The following LINGO2 variants were observed in gnomAD, a reference collection of about 807,000 sequenced individuals.
LINGO2 encodes leucine-rich repeat and immunoglobulin-like domain-containing nogo receptor-interacting protein 2.
Under a neutral mutation model 30.6 loss-of-function variants are expected in LINGO2, and 14 were observed. That is an observed-to-expected ratio of 0.46 (90% confidence interval 0.30 to 0.72). The LOEUF (loss-of-function observed/expected upper bound fraction) is 0.72. LINGO2 is among the 30% of genes least tolerant of loss of function. The pLI is 0.07. For missense variants in LINGO2, 729 were observed against 751.7 expected (o/e 0.97, Z 0.35); for synonymous variants, 317 against 288.5 (o/e 1.10, Z -1.00).
chr9:29,141,024 T>G, the LINGO2 span, among the ~76,000 whole-genome samples: 1 of 152,048 alleles, frequency 6.6e-6, no homozygotes, highest in Non-Finnish European at 1.5e-5. Context: ...GGTTTTGCCT[T>G]ACAAGAAATG....
intron 4 of LINGO2, among the ~76,000 whole-genome samples, chr9:28,032,550 T>C (rs1823732704): frequency 6.6e-6 from 1 of 152,210 alleles, no homozygotes; most frequent in South Asian, 2.1e-4. Context: ...CTTTGGGCAT[T>C]CTCATTCAGT....
At chr9:28,185,446 A>T (rs959341681) in intron 4 of LINGO2, among the ~76,000 whole-genome samples, 1 of 152,144 alleles carries the variant, frequency 6.6e-6, no homozygotes, top group Non-Finnish European at 1.5e-5. Flanking sequence ...GGTAAAAAAA[A>T]AACTTTAGAA....
intron 4 of LINGO2, among the ~76,000 whole-genome samples, chr9:28,070,435 A>T (rs960727365): frequency 1.3e-5 from 2 of 152,264 alleles, no homozygotes; most frequent in Admixed American, 1.3e-4. Flanking sequence ...ACACATAAAC[A>T]TACATGTGCA....
the LINGO2 span, among the ~76,000 whole-genome samples, chr9:28,776,196 G>C: frequency 6.6e-6 from 1 of 152,338 alleles, no homozygotes; most frequent in East Asian, 1.9e-4. Flanking sequence ...TGATCCTTAG[G>C]ATAGGAGAAT....
At chr9:28,800,364 G>A in the LINGO2 span, among the ~76,000 whole-genome samples, 3,841 of 151,904 alleles carry the variant, frequency 0.025, 132 homozygotes, top group African/African-American at 0.08. Flanking sequence ...TTATATTCCC[G>A]GTGTATTTTT....
At chr9:28,029,445 C>T (rs906956269) in intron 4 of LINGO2, among the ~76,000 whole-genome samples, 1 of 152,260 alleles carries the variant, frequency 6.6e-6, no homozygotes, top group East Asian at 1.9e-4. Context: ...AACGAAGATG[C>T]AAGGCTTGTT....
intron 2 of LINGO2, among the ~76,000 whole-genome samples, chr9:28,396,519 G>A (rs915735401): frequency 6.6e-6 from 1 of 151,616 alleles, no homozygotes; most frequent in Non-Finnish European, 1.5e-5. Flanking sequence ...CCAGGCTAAC[G>A]TGGTGAAACC....
At chr9:28,504,871 C>T (rs1237756336) in intron 1 of LINGO2, among the ~76,000 whole-genome samples, 6 of 151,614 alleles carry the variant, frequency 4.0e-5, no homozygotes, top group Admixed American at 2.0e-4. Flanking sequence ...GTTAGAAAGG[C>T]TTCATAGAGG....
At chr9:27,951,380 T>C (rs1311759625) in intron 5 of LINGO2, among the ~76,000 whole-genome samples, 2 of 152,206 alleles carry the variant, frequency 1.3e-5, no homozygotes, top group Non-Finnish European at 2.9e-5. Context: ...ATCCCTGTAT[T>C]GTTTTTGTTT....
chr9:29,196,835 C>T, the LINGO2 span, among the ~76,000 whole-genome samples: 2 of 151,948 alleles, frequency 1.3e-5, no homozygotes, highest in Non-Finnish European at 1.5e-5. Flanking sequence ...AAAAAGATGT[C>T]AGAAATAACG....
At position 28,223,277 on chromosome 9, in the gene LINGO2, C is replaced by T. The variant is rs140293314; in HGVS notation, c.-87+71931G>A. On this transcript the variant is annotated intron_variant, in intron 4 of 5. Coordinates refer to ENST00000379992, the Ensembl canonical transcript of LINGO2. ...CAGCAGGTTCAGTTGCCTGGTAAGG[C>T]CTGCTCTCTGCTTCTAAGATTCTGC... Among the ~76,000 whole-genome samples the T allele has an allele frequency of 9.4e-4, 143 of 152,294 alleles. 1 individual carries two copies. Among genetic ancestry groups the T allele is most frequent in the African/African-American group, 3.3e-3 (138 of 41,558 alleles).
chr9:28,307,380 C>T (rs998497313), intron 3 of LINGO2, among the ~76,000 whole-genome samples: 4 of 146,832 alleles, frequency 2.7e-5, no homozygotes, highest in Non-Finnish European at 6.2e-5. Flanking sequence ...AATTCAACAA[C>T]CCTTCATGCT....
chr9:29,165,210 A>G, the LINGO2 span, among the ~76,000 whole-genome samples: 3 of 152,190 alleles, frequency 2.0e-5, no homozygotes, highest in African/African-American at 7.2e-5. Flanking sequence ...CATCAAATCT[A>G]TATCTATATC....
the LINGO2 span, among the ~76,000 whole-genome samples, chr9:29,154,184 C>T: frequency 6.6e-6 from 1 of 152,106 alleles, no homozygotes; most frequent in Non-Finnish European, 1.5e-5. Flanking sequence ...GTGGCTCACA[C>T]CTGTAATCCC....
At chr9:28,262,720 G>A (rs975989118) in intron 4 of LINGO2, among the ~76,000 whole-genome samples, 1 of 151,916 alleles carries the variant, frequency 6.6e-6, no homozygotes, top group South Asian at 2.1e-4. Context: ...AAAGAATCTA[G>A]ATTTTTTGAT....
At chr9:28,589,489 C>A (rs1940285193) in intron 1 of LINGO2, among the ~76,000 whole-genome samples, 1 of 152,090 alleles carries the variant, frequency 6.6e-6, no homozygotes, top group African/African-American at 2.4e-5. Context: ...AAATCACAAG[C>A]ATTCTTATAC....
the LINGO2 span, among the ~76,000 whole-genome samples, chr9:29,071,431 T>C: frequency 6.7e-6 from 1 of 148,564 alleles, no homozygotes; most frequent in African/African-American, 2.5e-5. Context: ...AGGATTTCTA[T>C]GCTTAGAGAT....
chr9:28,505,544 A>T (rs1820074148), intron 1 of LINGO2, among the ~76,000 whole-genome samples: 1 of 152,118 alleles, frequency 6.6e-6, no homozygotes, highest in Non-Finnish European at 1.5e-5. Flanking sequence ...CTATAAGACA[A>T]TTCATATCTT....
At chr9:28,602,773 GA>G (rs1825542954) in intron 1 of LINGO2, among the ~76,000 whole-genome samples, 1 of 152,002 alleles carries the variant, frequency 6.6e-6, no homozygotes, top group South Asian at 2.1e-4. Flanking sequence ...TCTCCATACA[GA>G]AGGCTGAATG....
Sources: gnomAD v4.1 joint callset for allele counts (sites outside exome capture counted in the v4.1 genomes callset) on GRCh38, gnomAD v4.1.1 for gene constraint, MANE v1.5 for transcripts, NCBI Gene and HGNC (gene_info 2026-07-23, HGNC 2026-07-21) for gene names.